The following DYNC1I1 variants were observed in gnomAD, a reference collection of about 807,000 sequenced individuals.
DYNC1I1 encodes dynein cytoplasmic 1 intermediate chain 1.
Under a neutral mutation model 86.6 loss-of-function variants are expected in DYNC1I1, and 43 were observed. That is an observed-to-expected ratio of 0.50 (90% CI 0.39 to 0.64). DYNC1I1 has a LOEUF of 0.64. Ranked by LOEUF, DYNC1I1 falls within the 30% of genes least tolerant of loss-of-function variation. The pLI, the probability that DYNC1I1 is intolerant of heterozygous loss-of-function variation, is 0.00. For synonymous variants in DYNC1I1, 262 were observed against 283.7 expected (o/e 0.92, Z 0.77); for missense variants, 604 against 788.8 (o/e 0.77, Z 2.81).
chr7:95,971,917 G>A (rs1272823197), intron 6 of DYNC1I1, among the ~76,000 whole-genome samples: 1 of 152,134 alleles, frequency 6.6e-6, no homozygotes, highest in African/African-American at 2.4e-5. Flanking sequence ...GCCAGCCTTA[G>A]CGGTCTTCCT....
downstream of DYNC1I1, among the ~76,000 whole-genome samples, chr7:96,098,908 A>G (rs904443100): frequency 2.0e-5 from 3 of 152,188 alleles, no homozygotes; most frequent in South Asian, 6.2e-4. Context: ...TAGGAAGGGA[A>G]TTCCCATTGG....
chr7:95,904,555 A>C (rs1791123178), intron 6 of DYNC1I1, among the ~76,000 whole-genome samples: 1 of 152,088 alleles, frequency 6.6e-6, no homozygotes, highest in Non-Finnish European at 1.5e-5. Context: ...TAGGATTTGC[A>C]TGTTGGTTAG....
At chr7:95,916,059 A>G (rs1190861393) in intron 6 of DYNC1I1, among the ~76,000 whole-genome samples, 6 of 152,332 alleles carry the variant, frequency 3.9e-5, no homozygotes, top group Admixed American at 3.9e-4. Flanking sequence ...TTTTTCTCTA[A>G]GAATATATGC....
intron 13 of DYNC1I1, among the ~76,000 whole-genome samples, chr7:96,036,358 G>T (rs1794926858): frequency 6.6e-6 from 1 of 152,148 alleles, no homozygotes; most frequent in African/African-American, 2.4e-5. Context: ...GAACAAGACA[G>T]ACCTAGAGTT....
chr7:95,781,447 A>G (rs1793990767), intron 1 of DYNC1I1, among the ~76,000 whole-genome samples: 1 of 152,182 alleles, frequency 6.6e-6, no homozygotes, highest in Admixed American at 6.5e-5. Context: ...TAAATTAGAG[A>G]CCTTAAAGTA....
intron 14 of DYNC1I1, among the ~76,000 whole-genome samples, chr7:96,042,705 C>A (rs1395631159): frequency 6.6e-6 from 1 of 152,136 alleles, no homozygotes; most frequent in Non-Finnish European, 1.5e-5. Flanking sequence ...ACCTCTTTGG[C>A]CACCTATGGA....
intron 2 of DYNC1I1, among the ~76,000 whole-genome samples, chr7:95,805,261 T>C (rs537555041): frequency 1.3e-5 from 2 of 152,186 alleles, no homozygotes; most frequent in Non-Finnish European, 2.9e-5. Context: ...GTGTTAGTTT[T>C]AAGAAAAGGG....
intron 4 of DYNC1I1, among the ~76,000 whole-genome samples, chr7:95,814,151 A>G (rs1485634360): frequency 6.6e-6 from 1 of 152,204 alleles, no homozygotes; most frequent in African/African-American, 2.4e-5. Context: ...TGGCCCCCTC[A>G]TAGCTCAAGC....
intron 5 of DYNC1I1, among the ~76,000 whole-genome samples, chr7:95,858,888 ATTG>A (rs1371516107): frequency 6.9e-5 from 10 of 145,312 alleles, no homozygotes; most frequent in Non-Finnish European, 1.4e-4. Flanking sequence ...TTTCCCTTAC[ATTG>A]TTTTTATATT....
chr7:95,873,759 T>C (rs1584115039), intron 6 of DYNC1I1, among the ~76,000 whole-genome samples: 1 of 152,312 alleles, frequency 6.6e-6, no homozygotes, highest in South Asian at 2.1e-4. Flanking sequence ...AGGCTGCAGG[T>C]CTTTGGCTGT....
In DYNC1I1 at chr7:96,084,442, C is replaced by CTTTTT. The variant is rs11369815; in HGVS notation, c.1776+3967_1776+3971dup. Among the ~76,000 whole-genome samples, 18 of 124,734 alleles carry CTTTTT rather than the reference C, an allele frequency of 1.4e-4. 1 individual carries two copies. The highest frequency in any genetic ancestry group is 1.8e-4 in the Non-Finnish European group (11 of 60,958). 81.8% of individuals were successfully genotyped at this position (124,734 alleles called of 152,430 possible). A position where few individuals can be genotyped will look rare whatever the true frequency, so the allele number is the denominator to read the frequency against. ...ACCTGTTTCTCTTTTTTTTTCTTTT[C>CTTTTT]TTTTTTTTTTTTTTTTTGAGACGGA... is the stretch of plus-strand genomic sequence containing the variant. On this transcript the variant is annotated intron_variant, in intron 16 of 16. Coordinates refer to ENST00000447467, the MANE Select transcript of DYNC1I1 (RefSeq NM_001135556.2).
chr7:95,931,347 G>A (rs10251085), intron 6 of DYNC1I1, among the ~76,000 whole-genome samples: 29,559 of 151,930 alleles, frequency 0.19, 3,095 homozygotes, highest in Non-Finnish European at 0.24. Flanking sequence ...ATGGGGTTTC[G>A]CCATGTTGGC....
chr7:96,016,908 G>A (rs1562972623), intron 10 of DYNC1I1, among the ~76,000 whole-genome samples: 1 of 152,168 alleles, frequency 6.6e-6, no homozygotes, highest in Non-Finnish European at 1.5e-5. Flanking sequence ...TCTGAATTTA[G>A]AGAAGTCGTG....
At chr7:95,860,462 A>T (rs1365497005) in intron 5 of DYNC1I1, among the ~76,000 whole-genome samples, 1 of 152,218 alleles carries the variant, frequency 6.6e-6, no homozygotes, top group Non-Finnish European at 1.5e-5. Context: ...GTATCTGACG[A>T]TGAAATATCG....
chr7:96,030,844 G>C (rs1180709780), intron 11 of DYNC1I1, among the ~76,000 whole-genome samples: 1 of 152,040 alleles, frequency 6.6e-6, no homozygotes, highest in African/African-American at 2.4e-5. Context: ...ACATACACCA[G>C]AGACTTGGGA....
At chr7:95,867,848 C>T (rs78151172) in intron 5 of DYNC1I1, among the ~76,000 whole-genome samples, 150 of 152,314 alleles carry the variant, frequency 9.8e-4, no homozygotes, top group African/African-American at 3.4e-3. Context: ...TACTAAGCAG[C>T]GGAGAGGCTT....
intron 6 of DYNC1I1, 82 bp from the exon 7 acceptor site, chr7:95,977,430 T>C: frequency 3.0e-6 from 4 of 1,330,728 alleles, no homozygotes; most frequent in Non-Finnish European, 4.2e-6. Context: ...AACTTTACCC[T>C]TTACCCCTAC....
At chr7:95,808,544 T>C (rs768371924) in intron 2 of DYNC1I1, among the ~76,000 whole-genome samples, 36 of 152,166 alleles carry the variant, frequency 2.4e-4, no homozygotes, top group Non-Finnish European at 4.6e-4. Flanking sequence ...AAAATTGGCT[T>C]TAATGCAATG....
rs771966085 is a variant in DYNC1I1 at position 95,996,001 on chromosome 7, A to T, written c.897A>T (p.Glu299Asp). 9.3e-6 allele frequency: 15 copies of T among 1,613,250 alleles called. No individual in the cohort carries two copies. The highest frequency in any genetic ancestry group is 1.3e-5 in the African/African-American group (1 of 74,860). Residue 299 changes from glutamate to aspartate, a missense_variant, in exon 10 of 17, where the codon GAA (glutamate) becomes GAT (aspartate). Physicochemically the swap from Glu to Asp is conservative, Grantham distance 45. Transcript: ENST00000447467. Reference sequence around the variant, plus strand: ...ACAACAATGAAGATGCTCCCCATGAACCAGATGGAGTGGCCTTGGTTTGGA... The same window carrying T: ...ACAACAATGAAGATGCTCCCCATGATCCAGATGGAGTGGCCTTGGTTTGGA... ...SYNNNEDAPH[E>D]PDGVALVWNM...
Sources: allele counts gnomAD v4.1 joint callset (sites outside exome capture counted in the v4.1 genomes callset), GRCh38; gene constraint gnomAD v4.1.1; transcripts MANE v1.5; gene names NCBI Gene and HGNC (gene_info 2026-07-23, HGNC 2026-07-21).